TEX264: variants seen among roughly 807,000 people sequenced by gnomAD.
TEX264 encodes the protein testis-expressed protein 264.
In TEX264, 13 loss-of-function variants were observed where a neutral mutation model predicts 23.4. The observed-to-expected ratio is 0.56, with a 90% CI of 0.36 to 0.88. TEX264 has a LOEUF of 0.88. Ranked by LOEUF, TEX264 falls within the 40% of genes least tolerant of loss-of-function variation. TEX264 has a pLI of 0.01. For synonymous variants in TEX264, 159 were observed against 170.0 expected, an observed-to-expected ratio of 0.94 and a Z score of 0.50; for missense variants, 340 against 406.8, an observed-to-expected ratio of 0.84 and a Z score of 1.41.
chr3:51,703,483 C>T lies in TEX264; in HGVS notation c.650-241C>T, dbSNP rs1205890746. ...TTAGAGTGGGGAGAAGAGTGCACAG[C>T]TGCCTCCTCCCACCCTCTCTCCCTC... On this transcript the variant is annotated intron_variant, in intron 4 of 4. Transcript: ENST00000341333. The surrounding 1 kb of genome is among the most constrained non-coding windows in gnomAD (Gnocchi z 4.8). Among the ~76,000 whole-genome samples, 1 of 151,732 alleles carries T rather than the reference C, an allele frequency of 6.6e-6. No individual in the cohort carries two copies. Among genetic ancestry groups the T allele is most frequent in the Non-Finnish European group, 1.5e-5 (1 of 67,990 alleles).
chr3:51,685,835 G>A (rs1346465464), intron 3 of TEX264, among the ~76,000 whole-genome samples: 4 of 152,212 alleles, frequency 2.6e-5, no homozygotes, highest in Admixed American at 2.0e-4. Context: ...CAGGCCCAGC[G>A]GCTATAGAGC....
rs1247315688 is a variant in TEX264 at position 51,703,274 on chromosome 3, T to C, written c.650-450T>C. Among the ~76,000 whole-genome samples the C allele has an allele frequency of 6.6e-6, 1 of 152,060 alleles. No individual in the cohort carries two copies. The highest frequency in any genetic ancestry group is 1.9e-4 in the East Asian group (1 of 5,168). On this transcript the variant is annotated intron_variant, in intron 4 of 4. Coordinates refer to ENST00000341333, the MANE Select transcript of TEX264 (RefSeq NM_015926.6). This position sits in a 1 kb window ranked among gnomAD's most constrained non-coding sequence, Gnocchi z 4.8. ...TGCAGTCCTCGTGCCCTGTGGGTGA[T>C]GTTCTGTAGCTGGCCCTGGACACAT...
intron 1 of TEX264, 40 bp from the exon 2 acceptor site, chr3:51,674,231 G>A: frequency 6.3e-7 from 1 of 1,593,274 alleles, no homozygotes; most frequent in Non-Finnish European, 8.6e-7. Flanking sequence ...CATTGTCAGA[G>A]TAGGCTACCA....
intron 2 of TEX264, 128 bp downstream of exon 2, chr3:51,674,690 T>C: frequency 8.9e-7 from 1 of 1,124,848 alleles, no homozygotes; most frequent in Non-Finnish European, 1.2e-6. Context: ...AGACCCCTCC[T>C]CTATGAGCTT....
rs1559680722 is a variant in TEX264 at position 51,694,059 on chromosome 3, C to CCGT, written c.481-5346_481-5345insGTC. Among the ~76,000 whole-genome samples the CCGT allele has an allele frequency of 3.8e-4, 50 of 131,030 alleles. 1 individual carries two copies. The highest frequency in any genetic ancestry group is 1.4e-3 in the African/African-American group (48 of 35,210). The allele number at this position is 131,030 out of a possible 152,430, so 86.0% of individuals were successfully genotyped here. A position where few individuals can be genotyped will look rare whatever the true frequency, so the allele number is the denominator to read the frequency against. On this transcript the variant is annotated intron_variant, in intron 3 of 4. Coordinates refer to ENST00000341333, the MANE Select transcript of TEX264 (RefSeq NM_015926.6). ...CCTTCCTTCCTTCCTCCCTTCCCTT[C>CCGT]CCTTCCCTTCCCCTTCCTTCCGTCC... is the stretch of plus-strand genomic sequence containing the variant.
intron 3 of TEX264, among the ~76,000 whole-genome samples, chr3:51,684,867 G>A (rs1702559806): frequency 6.6e-6 from 1 of 152,236 alleles, no homozygotes; most frequent in African/African-American, 2.4e-5. Flanking sequence ...TGGAGAACTT[G>A]TTCATAAATC....
At chr3:51,702,107 G>A (rs1311721737) in intron 4 of TEX264, among the ~76,000 whole-genome samples, 1 of 152,134 alleles carries the variant, frequency 6.6e-6, no homozygotes, top group African/African-American at 2.4e-5. Flanking sequence ...CCTATACCTG[G>A]GGTCCCAAGA....
Position 51,686,451 on chromosome 3 carries a change from G to A in TEX264, c.480+1817G>A, listed in dbSNP as rs1216826169. 6.6e-6 allele frequency among the ~76,000 whole-genome samples: 1 copy of A among 152,170 alleles called. No individual in the cohort carries two copies. Among genetic ancestry groups the A allele is most frequent in the Non-Finnish European group, 1.5e-5 (1 of 68,030 alleles). ...GTCCCTGGAGTCTGGTGTTGGGGCTGAGGAATGAATAAATGAGGCCCTGGG... is the reference window on the plus strand; with the variant it reads ...GTCCCTGGAGTCTGGTGTTGGGGCTAAGGAATGAATAAATGAGGCCCTGGG... On this transcript the variant is annotated intron_variant, in intron 3 of 4. Coordinates refer to ENST00000341333, the MANE Select transcript of TEX264 (RefSeq NM_015926.6). The surrounding 1 kb of genome is among the most constrained non-coding windows in gnomAD (Gnocchi z 4.1).
chr3:51,688,323 G>A (rs1000111054), intron 3 of TEX264, among the ~76,000 whole-genome samples: 6 of 152,242 alleles, frequency 3.9e-5, no homozygotes, highest in Non-Finnish European at 8.8e-5. Context: ...CTTAATGAGT[G>A]TCCAGGGAAG....
chr3:51,684,919 A>G (rs536526753), intron 3 of TEX264, among the ~76,000 whole-genome samples: 1 of 152,378 alleles, frequency 6.6e-6, no homozygotes, highest in African/African-American at 2.4e-5. Context: ...AAAGACATCC[A>G]TAGTGCTTAT....
intron 3 of TEX264, 152 bp downstream of exon 3, chr3:51,684,786 T>C: frequency 2.9e-6 from 2 of 695,524 alleles, no homozygotes; most frequent in Non-Finnish European, 4.8e-6. Context: ...GCTAGGAAGA[T>C]GGGCAGAGGT....
chr3:51,676,599 T>C (rs1702238990), intron 2 of TEX264, among the ~76,000 whole-genome samples: 1 of 152,238 alleles, frequency 6.6e-6, no homozygotes, highest in Non-Finnish European at 1.5e-5. Context: ...ACTGTCCTGC[T>C]GAGTGATCTT....
intron 2 of TEX264, among the ~76,000 whole-genome samples, chr3:51,677,843 T>C (rs1182245291): frequency 6.6e-6 from 1 of 152,178 alleles, no homozygotes; most frequent in Non-Finnish European, 1.5e-5. Flanking sequence ...GAGTGGTTCT[T>C]GTGAGGCAGG....
rs191086883 is a variant in TEX264, at chr3:51,674,511, C to T, written c.207C>T (p.Ser69=). ...GGCGGCTTTTCACTGAGAGCTGCAGCATCTCTCCCAAGCTCCGCTCCATCG... is the reference window on the plus strand; with the variant it reads ...GGCGGCTTTTCACTGAGAGCTGCAGTATCTCTCCCAAGCTCCGCTCCATCG... The part of the protein sequence containing the change: ...ETGRLFTESC[S]ISPKLRSIAV... The change falls in exon 2 of 5, where the codon AGC becomes AGT. Residue 69 remains serine (S), a synonymous_variant. Transcript: ENST00000341333. 45 of 1,614,202 alleles carry T rather than the reference C, an allele frequency of 2.8e-5. No homozygotes were observed. The highest frequency in any genetic ancestry group is 3.5e-5 in the Non-Finnish European group (41 of 1,180,042).
intron 3 of TEX264, among the ~76,000 whole-genome samples, chr3:51,687,114 G>T (rs1454241701): frequency 6.6e-6 from 1 of 152,210 alleles, no homozygotes; most frequent in Non-Finnish European, 1.5e-5. Context: ...CCAGTGATAT[G>T]GGGGAGAGCA....
chr3:51,678,583 A>C (rs1233377224), intron 2 of TEX264, among the ~76,000 whole-genome samples: 1 of 152,112 alleles, frequency 6.6e-6, no homozygotes, highest in African/African-American at 2.4e-5. Flanking sequence ...CCAGGCATGG[A>C]GTGGGTTGGG....
intron 3 of TEX264, 27 bp downstream of exon 3, chr3:51,684,661 G>T: frequency 6.2e-7 from 1 of 1,609,048 alleles, no homozygotes; most frequent in Non-Finnish European, 8.5e-7. Flanking sequence ...GGGTGTGTGT[G>T]TTGGGGACAG....
At position 51,703,139 on chromosome 3, in the gene TEX264, C is replaced by T. The variant is rs1444221972; in HGVS notation, c.650-585C>T. On this transcript the variant is annotated intron_variant, in intron 4 of 4. Coordinates refer to ENST00000341333, the MANE Select transcript of TEX264 (RefSeq NM_015926.6). The surrounding 1 kb of genome is among the most constrained non-coding windows in gnomAD (Gnocchi z 4.8). ...ATCCTCCTCGTACTTCAGCTCCCTC[C>T]TCAACTGGGACTTGGTGTGTACCAG... 6.6e-6 allele frequency among the ~76,000 whole-genome samples: 1 copy of T among 152,214 alleles called. No individual in the cohort carries two copies. The highest frequency in any genetic ancestry group is 1.5e-5 in the Non-Finnish European group (1 of 68,030).
Position 51,703,937 on chromosome 3 carries a change from G to A in TEX264, c.863G>A (p.Arg288Gln), listed in dbSNP as rs779605686. 149 of 1,599,866 alleles carry A rather than the reference G, an allele frequency of 9.3e-5. No homozygotes were observed. Among genetic ancestry groups the A allele is most frequent in the Middle Eastern group, 5.1e-4 (3 of 5,920 alleles). Residue 288 changes from arginine (R) to glutamine (Q), a missense_variant, in exon 5 of 5, where the codon CGG becomes CAG. By Grantham distance (43) the Arg-to-Gln change is conservative. Coordinates refer to ENST00000341333, the MANE Select transcript of TEX264 (RefSeq NM_015926.6). This position sits in a 1 kb window ranked among gnomAD's most constrained non-coding sequence, Gnocchi z 4.8. Reference protein sequence around the residue: ...LEGEGPLGESRLDPGTEPLGT... With the variant: ...LEGEGPLGESQLDPGTEPLGT... ...GGCGAGGGGCCCTTAGGGGAGTCAC[G>A]GCTGGACCCTGGGACTGAGCCCCTG... is the stretch of plus-strand genomic sequence containing the variant.
Sources: allele counts gnomAD v4.1 joint callset (sites outside exome capture counted in the v4.1 genomes callset), GRCh38; gene constraint gnomAD v4.1.1; non-coding constraint Gnocchi (gnomAD v3.1); transcripts MANE v1.5; gene names NCBI Gene and HGNC (gene_info 2026-07-23, HGNC 2026-07-21).